Variants in NAALADL2 observed in about 807,000 individuals in gnomAD.
The protein encoded by NAALADL2 is N-acetylated alpha-linked acidic dipeptidase like 2.
Under a neutral mutation model 87.2 loss-of-function variants are expected in NAALADL2, and 76 were observed. That is an observed-to-expected ratio of 0.87 (90% CI 0.72 to 1.05). NAALADL2 has a LOEUF of 1.05. Ranked by LOEUF, NAALADL2 falls within the 50% of genes least tolerant of loss-of-function variation. NAALADL2 has a pLI of 0.00. For synonymous variants in NAALADL2, 354 were observed against 331.0 expected (o/e 1.07, Z -0.75); for missense variants, 1,089 against 945.8 (o/e 1.15, Z -1.99).
chr3:175,507,832 C>T (rs1397236911), intron 9 of NAALADL2, among the ~76,000 whole-genome samples: 1 of 152,162 alleles, frequency 6.6e-6, no homozygotes, highest in African/African-American at 2.4e-5. Context: ...CATGCATAAG[C>T]CCATGGTTTT....
chr3:175,257,755 T>G (rs1750256120), intron 4 of NAALADL2, among the ~76,000 whole-genome samples: 3 of 152,132 alleles, frequency 2.0e-5, no homozygotes, highest in Admixed American at 6.5e-5. Context: ...TTTAATGACA[T>G]GTAAAAATCC....
At chr3:174,824,803 C>T (rs1721804266) in intron 3 of NAALADL2, among the ~76,000 whole-genome samples, 1 of 152,050 alleles carries the variant, frequency 6.6e-6, no homozygotes, top group African/African-American at 2.4e-5. Context: ...CCATACTGTT[C>T]CTACGAACAG....
Position 175,013,297 on chromosome 3 carries a change from A to AT in NAALADL2, c.44-83492dup, listed in dbSNP as rs1293274493. ...TATATACATATATATATATATATAT[A>AT]TATATTTTTTTTTTTTTTTGAGACA... On this transcript the variant is annotated intron_variant, in intron 1 of 13. Transcript: ENST00000454872. Among the ~76,000 whole-genome samples the AT allele has an allele frequency of 3.5e-3, 274 of 77,540 alleles. 7 individuals carry two copies. The highest frequency in any genetic ancestry group is 7.8e-3 in the East Asian group (22 of 2,820). 50.9% of individuals were successfully genotyped at this position (77,540 alleles called of 152,430 possible). A position where few individuals can be genotyped will look rare whatever the true frequency, so the allele number is the denominator to read the frequency against.
intron 2 of NAALADL2, among the ~76,000 whole-genome samples, chr3:175,220,762 T>A (rs1279054729): frequency 6.6e-6 from 1 of 152,332 alleles, no homozygotes; most frequent in East Asian, 1.9e-4. Flanking sequence ...CTTTCTAATT[T>A]ATTTAAATTG....
At chr3:175,216,237 C>A (rs1200548396) in intron 2 of NAALADL2, among the ~76,000 whole-genome samples, 2 of 152,094 alleles carry the variant, frequency 1.3e-5, no homozygotes, top group African/African-American at 4.8e-5. Flanking sequence ...TTCCCCTTGC[C>A]TCATCTTGTC....
chr3:175,318,432 A>G (rs1393214082), intron 4 of NAALADL2, among the ~76,000 whole-genome samples: 2 of 152,150 alleles, frequency 1.3e-5, no homozygotes, highest in African/African-American at 4.8e-5. Flanking sequence ...TTAGTAATAA[A>G]AGGTAATTTT....
At chr3:175,788,012 T>C (rs992121345) in intron 13 of NAALADL2, among the ~76,000 whole-genome samples, 33 of 152,050 alleles carry the variant, frequency 2.2e-4, no homozygotes, top group African/African-American at 7.7e-4. Flanking sequence ...CACTCACTGA[T>C]TCAAACAGAG....
intron 2 of NAALADL2, among the ~76,000 whole-genome samples, chr3:174,701,226 C>T (rs56342814): frequency 0.11 from 16,313 of 150,456 alleles, 1,031 homozygotes; most frequent in Middle Eastern, 0.15. Context: ...TATAAAAATG[C>T]TTAAAATGTA....
chr3:174,869,984 G>T (rs1360150661), intron 1 of NAALADL2, among the ~76,000 whole-genome samples: 4 of 106,104 alleles, frequency 3.8e-5, no homozygotes, highest in Non-Finnish European at 7.1e-5. Flanking sequence ...CAACAAGAGC[G>T]ACAAAACTCC....
At chr3:175,015,815 A>G (rs980890292) in intron 1 of NAALADL2, among the ~76,000 whole-genome samples, 1 of 152,068 alleles carries the variant, frequency 6.6e-6, no homozygotes, top group African/African-American at 2.4e-5. Flanking sequence ...TTTTGGCATC[A>G]AAATTTATAA....
At chr3:174,488,654 A>G (rs1367513537) in intron 1 of NAALADL2, among the ~76,000 whole-genome samples, 1 of 151,932 alleles carries the variant, frequency 6.6e-6, no homozygotes, top group Non-Finnish European at 1.5e-5. Flanking sequence ...TTTTTTCACA[A>G]TCTCATGGAA....
chr3:175,535,862 C>G (rs370031999), intron 9 of NAALADL2, among the ~76,000 whole-genome samples: 3 of 152,244 alleles, frequency 2.0e-5, no homozygotes, highest in African/African-American at 7.2e-5. Flanking sequence ...GGTGAGATCT[C>G]AAGCAATATA....
intron 5 of NAALADL2, among the ~76,000 whole-genome samples, chr3:175,446,541 C>T (rs753099111): frequency 5.3e-5 from 8 of 152,134 alleles, no homozygotes; most frequent in African/African-American, 4.8e-5. Flanking sequence ...CACACCAGGT[C>T]GACACCATCC....
intron 9 of NAALADL2, among the ~76,000 whole-genome samples, chr3:175,488,228 T>A (rs114101383): frequency 8.9e-4 from 135 of 152,344 alleles, no homozygotes; most frequent in African/African-American, 3.2e-3. Flanking sequence ...TGAACAAAGA[T>A]TGTGGGCACA....
chr3:175,059,911 G>T, intron 1 of NAALADL2: 1 of 400,322 alleles, frequency 2.5e-6, no homozygotes. Context: ...GCCAGAGACT[G>T]CTTCAAATAC....
intron 1 of NAALADL2, among the ~76,000 whole-genome samples, chr3:175,053,893 A>C (rs1167894358): frequency 6.6e-6 from 1 of 152,250 alleles, no homozygotes; most frequent in Non-Finnish European, 1.5e-5. Context: ...TAGATATTGC[A>C]TTAGCAACTA....
intron 2 of NAALADL2, among the ~76,000 whole-genome samples, chr3:174,656,723 T>C (rs545942099): frequency 1.1e-4 from 16 of 152,270 alleles, no homozygotes; most frequent in Non-Finnish European, 2.2e-4. Flanking sequence ...TTCCATTTGA[T>C]TTTCTCTCCT....
chr3:175,719,137 C>G (rs188814793), intron 11 of NAALADL2, among the ~76,000 whole-genome samples: 3 of 151,552 alleles, frequency 2.0e-5, no homozygotes, highest in Non-Finnish European at 4.4e-5. Flanking sequence ...ATCAGGTTGT[C>G]AAGCAGGGGT....
At chr3:175,793,158 TACC>T (rs1753000165) in intron 13 of NAALADL2, among the ~76,000 whole-genome samples, 1 of 152,158 alleles carries the variant, frequency 6.6e-6, no homozygotes, top group Admixed American at 6.5e-5. Context: ...CATGGGGAAC[TACC>T]TCTGGAACTT....
Sources: allele counts gnomAD v4.1 joint callset (sites outside exome capture counted in the v4.1 genomes callset), GRCh38; gene constraint gnomAD v4.1.1; transcripts MANE v1.5; gene names NCBI Gene and HGNC (gene_info 2026-07-23, HGNC 2026-07-21).